The following CLEC12A variants were observed in gnomAD, a reference collection of about 807,000 sequenced individuals.
CLEC12A encodes the protein C-type lectin domain family 12 member A, also known as C-type lectin protein CLL-1.
In CLEC12A, 22 loss-of-function variants were observed where a neutral mutation model predicts 26.5. The observed-to-expected ratio is 0.83, with a 90% CI of 0.59 to 1.19. The LOEUF is 1.19. Ranked by LOEUF, CLEC12A falls within the 50% of genes most tolerant of loss-of-function variation. The pLI is 0.00. For synonymous variants in CLEC12A, 119 were observed against 101.9 expected (o/e 1.17, Z -1.01); for missense variants, 353 against 315.6 (o/e 1.12, Z -0.90).
chr12:9,993,035 G>T, intron 4 of CLEC12A: 1 of 980,030 alleles, frequency 1.0e-6, no homozygotes, highest in East Asian at 2.4e-5. Context: ...AATAACTCCA[G>T]TGAGAAGAAA....
At chr12:9,967,667 G>T (rs926470654), upstream of CLEC12A, among the ~76,000 whole-genome samples, 1 of 151,348 alleles carries the variant, frequency 6.6e-6, no homozygotes, top group Non-Finnish European at 1.5e-5. Context: ...GGGTGAAGGA[G>T]AAGGGGTTGG....
intron 2 of CLEC12A, 45 bp from the exon 3 acceptor site, chr12:9,979,291 C>T (rs1864457083): frequency 1.5e-6 from 2 of 1,369,882 alleles, no homozygotes; most frequent in South Asian, 1.3e-5. Flanking sequence ...AGGATGATGG[C>T]TCTATTGAGA....
At chr12:9,984,790 T>C in intron 5 of CLEC12A, 80 bp from the exon 6 acceptor site, 2 of 1,262,054 alleles carry the variant, frequency 1.6e-6, no homozygotes, top group South Asian at 4.4e-5. Flanking sequence ...TAATATCATG[T>C]TGGAAGTGTA....
downstream of CLEC12A, among the ~76,000 whole-genome samples, chr12:9,989,213 T>A (rs1455685163): frequency 5.6e-5 from 2 of 36,022 alleles, no homozygotes; most frequent in South Asian, 8.8e-4. Context: ...GGGCCTGTTG[T>A]GGGATGGGGG....
chr12:9,969,186 G>A (rs370852993), upstream of CLEC12A, among the ~76,000 whole-genome samples: 19 of 152,096 alleles, frequency 1.2e-4, no homozygotes, highest in African/African-American at 4.3e-4. Context: ...TAGTACAGTG[G>A]GAAAACTATA....
chr12:9,996,854 T>C, downstream of CLEC12A: 1 of 1,614,054 alleles, frequency 6.2e-7, no homozygotes, highest in Non-Finnish European at 8.5e-7. Flanking sequence ...ACCACAATGT[T>C]CCGGTTGTCA....
chr12:9,998,564 T>A (rs7980696), downstream of CLEC12A, among the ~76,000 whole-genome samples: 1 of 80,720 alleles, frequency 1.2e-5, no homozygotes, highest in East Asian at 2.9e-4. Flanking sequence ...CCCTATACCA[T>A]ACATCCATTC....
chr12:9,997,766 TACAC>T (rs1367614113), downstream of CLEC12A, among the ~76,000 whole-genome samples: 1 of 151,982 alleles, frequency 6.6e-6, no homozygotes, highest in Non-Finnish European at 1.5e-5. Context: ...AATCAACAAA[TACAC>T]AAACAAGCAA....
chr12:9,965,257 C>A (rs201541579), intron 1 of CLEC12A, among the ~76,000 whole-genome samples: 44,556 of 151,434 alleles, frequency 0.29, 6,772 homozygotes, highest in East Asian at 0.46. Context: ...TTCTGACTGC[C>A]CTAACCATGC....
At chr12:9,977,316 T>C (rs1215781913) in intron 1 of CLEC12A, among the ~76,000 whole-genome samples, 2 of 152,210 alleles carry the variant, frequency 1.3e-5, no homozygotes, top group Non-Finnish European at 2.9e-5. Flanking sequence ...ATAAAACAAC[T>C]CTGTTATTTT....
intron 1 of CLEC12A, among the ~76,000 whole-genome samples, chr12:9,962,281 G>A (rs934525192): frequency 2.1e-4 from 28 of 131,912 alleles, no homozygotes; most frequent in East Asian, 6.5e-4. Context: ...TGGATCCCAA[G>A]TGTGTGTTTC....
upstream of CLEC12A, among the ~76,000 whole-genome samples, chr12:9,971,213 A>G (rs1006614722): frequency 4.6e-5 from 7 of 152,104 alleles, no homozygotes; most frequent in Non-Finnish European, 7.4e-5. Context: ...ATCCTACACT[A>G]TGTCTGCACC....
chr12:10,000,257 GT>G (rs1865142348), downstream of CLEC12A, among the ~76,000 whole-genome samples: 1 of 152,174 alleles, frequency 6.6e-6, no homozygotes, highest in African/African-American at 2.4e-5. Flanking sequence ...CAGATATTTT[GT>G]TTATTAACAT....
intron 1 of CLEC12A, among the ~76,000 whole-genome samples, chr12:9,973,215 C>T (rs184227507): frequency 6.6e-6 from 1 of 152,164 alleles, no homozygotes; most frequent in East Asian, 1.9e-4. Flanking sequence ...AGTCCTAGCA[C>T]TTTGAGAGGC....
chr12:9,961,325 T>A (rs534802287), intron 1 of CLEC12A, among the ~76,000 whole-genome samples: 1 of 152,300 alleles, frequency 6.6e-6, no homozygotes, highest in South Asian at 2.1e-4. Context: ...CAAAGAGCTG[T>A]GGTTGAAGAG....
intron 1 of CLEC12A, among the ~76,000 whole-genome samples, chr12:9,955,656 AC>A (rs1863732011): frequency 6.6e-6 from 1 of 152,170 alleles, no homozygotes; most frequent in Non-Finnish European, 1.5e-5. Context: ...TGATGTAAAA[AC>A]CTTAATTCCT....
At chr12:9,970,965 T>C (rs1358516866), upstream of CLEC12A, among the ~76,000 whole-genome samples, 1 of 152,230 alleles carries the variant, frequency 6.6e-6, no homozygotes, top group African/African-American at 2.4e-5. Context: ...AGGCATTCCC[T>C]ACCTCTCTTA....
the CLEC12A span, among the ~76,000 whole-genome samples, chr12:10,001,796 C>T: frequency 1.3e-5 from 2 of 152,076 alleles, no homozygotes; most frequent in African/African-American, 4.8e-5. Flanking sequence ...TATTTTATTT[C>T]TGCTTCAATA....
chr12:9,979,508 A>G lies in CLEC12A; in HGVS notation c.363A>G (p.Leu121=), dbSNP rs767587741. The change falls in exon 3 of 6, where the codon CTA becomes CTG. Residue 121 remains leucine (L), a synonymous_variant. Transcript: ENST00000304361. ...TAGCCACCAAATTATGTCGTGAGCTATATAGCAAAGAACAAGGTAATCTTG... is the reference window on the plus strand; with the variant it reads ...TAGCCACCAAATTATGTCGTGAGCTGTATAGCAAAGAACAAGGTAATCTTG... ...QTIATKLCRE[L]YSKEQEHKCK... 9.3e-6 allele frequency: 15 copies of G among 1,610,994 alleles called. No individual in the cohort carries two copies. In the Middle Eastern group the frequency reaches 4.9e-4, roughly 53 times the overall value.
Sources: gnomAD v4.1 joint callset for allele counts (sites outside exome capture counted in the v4.1 genomes callset) on GRCh38, gnomAD v4.1.1 for gene constraint, MANE v1.5 for transcripts, NCBI Gene and HGNC (gene_info 2026-07-23, HGNC 2026-07-21) for gene names.